The following NBAS variants were observed in gnomAD, a reference collection of about 807,000 sequenced individuals.
NBAS encodes NAG/BC035112 fusion.
A neutral mutation model predicts 302.5 loss-of-function variants in NBAS; 219 were observed. That is an observed-to-expected ratio of 0.72 (90% CI 0.65 to 0.81). The LOEUF is 0.81. Ranked by LOEUF, NBAS falls within the 30% of genes least tolerant of loss-of-function variation. NBAS has a pLI of 0.00. For missense variants in NBAS, 2,932 were observed against 2,841.6 expected, an observed-to-expected ratio of 1.03 and a Z score of -0.72; for synonymous variants, 1,118 against 1,021.6, an observed-to-expected ratio of 1.09 and a Z score of -1.80.
At chr2:15,043,924 G>T in the NBAS span, among the ~76,000 whole-genome samples, 1 of 152,114 alleles carries the variant, frequency 6.6e-6, no homozygotes, top group East Asian at 1.9e-4. Context: ...AAAACTTGAT[G>T]CATTCGGGCA....
At chr2:14,969,143 T>G in the NBAS span, among the ~76,000 whole-genome samples, 1 of 152,090 alleles carries the variant, frequency 6.6e-6, no homozygotes, top group African/African-American at 2.4e-5. Context: ...ATGCCTAGAA[T>G]AGTCAATTCT....
At chr2:15,122,431 G>T in the NBAS span, among the ~76,000 whole-genome samples, 6 of 152,104 alleles carry the variant, frequency 3.9e-5, no homozygotes, top group African/African-American at 1.4e-4. Flanking sequence ...CACCCAGATC[G>T]CATGTGAACT....
intron 21 of NBAS, among the ~76,000 whole-genome samples, chr2:15,448,134 G>C (rs894587583): frequency 1.3e-5 from 2 of 152,164 alleles, no homozygotes; most frequent in Non-Finnish European, 2.9e-5. Flanking sequence ...CATGAATTTT[G>C]GAGAGGGCAT....
chr2:15,551,413 T>C, intron 6 of NBAS, 80 bp downstream of exon 6: 1 of 878,640 alleles, frequency 1.1e-6, no homozygotes, highest in Non-Finnish European at 1.8e-6. Flanking sequence ...ATATTTAATA[T>C]CTATTCTAAC....
chr2:15,532,028 G>C (rs1663241058), intron 9 of NBAS, among the ~76,000 whole-genome samples: 1 of 152,178 alleles, frequency 6.6e-6, no homozygotes, highest in South Asian at 2.1e-4. Context: ...ACCTGGAACA[G>C]TATGTGGCAC....
chr2:15,348,482 T>A (rs568809996), intron 35 of NBAS, among the ~76,000 whole-genome samples: 3 of 151,896 alleles, frequency 2.0e-5, no homozygotes, highest in Non-Finnish European at 4.4e-5. Context: ...TATAATTCAC[T>A]GTAGAAGCAG....
At chr2:15,314,817 T>A (rs1198975371) in intron 38 of NBAS, among the ~76,000 whole-genome samples, 2 of 152,242 alleles carry the variant, frequency 1.3e-5, no homozygotes, top group Non-Finnish European at 2.9e-5. Flanking sequence ...CAGTTTTATA[T>A]GCCTACAATG....
At chr2:15,177,685 C>T (rs1319049674) in intron 51 of NBAS, among the ~76,000 whole-genome samples, 1 of 152,194 alleles carries the variant, frequency 6.6e-6, no homozygotes, top group South Asian at 2.1e-4. Flanking sequence ...TTACCAATTT[C>T]TTGGATTTAT....
rs145441528 is a variant in NBAS, at chr2:15,215,074, T to C, written c.6432+3699A>G. On this transcript the variant is annotated intron_variant, in intron 48 of 51. Transcript: ENST00000281513. ...TTTCATGCACCAGTTAGCTAGAAAATTACAAAAGCTGAAAAACTCAGATAA... is the reference window on the plus strand; with the variant it reads ...TTTCATGCACCAGTTAGCTAGAAAACTACAAAAGCTGAAAAACTCAGATAA... Among the ~76,000 whole-genome samples the C allele has an allele frequency of 1.7e-3, 255 of 152,042 alleles. 2 individuals are homozygous for C. Among genetic ancestry groups the C allele is most frequent in the African/African-American group, 5.7e-3 (235 of 41,484 alleles).
At chr2:15,300,858 G>A (rs1359453820) in intron 40 of NBAS, among the ~76,000 whole-genome samples, 2 of 152,182 alleles carry the variant, frequency 1.3e-5, no homozygotes, top group African/African-American at 2.4e-5. Context: ...TGCCCACAGC[G>A]GGGAGAAGGA....
At chr2:15,478,825 A>T (rs1680303813) in intron 12 of NBAS, among the ~76,000 whole-genome samples, 1 of 152,180 alleles carries the variant, frequency 6.6e-6, no homozygotes, top group Non-Finnish European at 1.5e-5. Context: ...TTAGGGCAAT[A>T]TGGTGTCATG....
At chr2:14,933,793 T>C in the NBAS span, among the ~76,000 whole-genome samples, 1 of 152,216 alleles carries the variant, frequency 6.6e-6, no homozygotes, top group African/African-American at 2.4e-5. Context: ...TGCTTTGCAG[T>C]TATTTTCATC....
In NBAS at chr2:15,284,379, A is replaced by G. The variant is rs1159151059; in HGVS notation, c.5138+2694T>C. Among the ~76,000 whole-genome samples the G allele has an allele frequency of 2.0e-5, 3 of 152,302 alleles. No individual in the cohort carries two copies. In the East Asian group the frequency reaches 5.8e-4, roughly 29 times the overall value. On this transcript the variant is annotated intron_variant, in intron 42 of 51. Coordinates refer to ENST00000281513, the MANE Select transcript of NBAS (RefSeq NM_015909.4). ...TTCAGAGAAGGGAATTATCTTGCCC[A>G]TGGACACACACCTAGAAGTGACACC...
the NBAS span, among the ~76,000 whole-genome samples, chr2:15,109,022 T>C: frequency 6.6e-6 from 1 of 152,030 alleles, no homozygotes; most frequent in African/African-American, 2.4e-5. Context: ...GCAGAATTCT[T>C]AAGGGAGGAA....
chr2:15,373,385 C>T (rs1021482663), intron 31 of NBAS, among the ~76,000 whole-genome samples: 1 of 89,914 alleles, frequency 1.1e-5, no homozygotes, highest in Non-Finnish European at 2.7e-5. Context: ...GGCCGGAATG[C>T]AACAGCGTGA....
the NBAS span, among the ~76,000 whole-genome samples, chr2:15,126,561 G>T: frequency 6.6e-6 from 1 of 152,136 alleles, no homozygotes; most frequent in Non-Finnish European, 1.5e-5. Context: ...TACCTCACCC[G>T]AGGGGCAAGG....
chr2:14,971,916 G>A, the NBAS span, among the ~76,000 whole-genome samples: 1 of 152,136 alleles, frequency 6.6e-6, no homozygotes, highest in Non-Finnish European at 1.5e-5. Context: ...ATCCATTCCT[G>A]GTGGTTCTTG....
At chr2:14,890,518 T>C in the NBAS span, 1 of 152,160 alleles carries the variant, frequency 6.6e-6, no homozygotes, top group Non-Finnish European at 1.5e-5. Flanking sequence ...AGTTGTTAAG[T>C]TAAAACTTAC....
intron 6 of NBAS, among the ~76,000 whole-genome samples, chr2:15,550,775 C>T (rs1400607750): frequency 6.6e-6 from 1 of 151,922 alleles, no homozygotes; most frequent in Admixed American, 6.6e-5. Flanking sequence ...TTAGTAGAGA[C>T]GGGGTTTCAC....
Sources: allele counts gnomAD v4.1 joint callset (sites outside exome capture counted in the v4.1 genomes callset), GRCh38; gene constraint gnomAD v4.1.1; transcripts MANE v1.5; gene names NCBI Gene and HGNC (gene_info 2026-07-23, HGNC 2026-07-21).